The following PDE4C variants were observed in gnomAD, a reference collection of about 807,000 sequenced individuals.
PDE4C encodes the protein phosphodiesterase 4C, also known as 3',5'-cyclic-AMP phosphodiesterase 4C.
In PDE4C, 50 loss-of-function variants were observed where a neutral mutation model predicts 63.9. The observed-to-expected ratio is 0.78, with a 90% CI of 0.62 to 0.99. The LOEUF (loss-of-function observed/expected upper bound fraction) is 0.99. PDE4C is among the 50% of genes least tolerant of loss of function. PDE4C has a pLI of 0.00. For missense variants in PDE4C, 777 were observed against 899.1 expected, an observed-to-expected ratio of 0.86 and a Z score of 1.74; for synonymous variants, 377 against 385.1, an observed-to-expected ratio of 0.98 and a Z score of 0.25.
At position 18,220,585 on chromosome 19, in the gene PDE4C, G is replaced by A. The variant is rs750407182; in HGVS notation, c.500-70C>T. On this transcript the variant is annotated intron_variant, in intron 5 of 14. Transcript: ENST00000262805. This position sits in a 1 kb window ranked among gnomAD's most constrained non-coding sequence, Gnocchi z 5.1. ...GGGACCCCACGCCTCTCGCGACTTCGTCTCTTCATCTGGACCCTGAAACTG... is the reference window on the plus strand; with the variant it reads ...GGGACCCCACGCCTCTCGCGACTTCATCTCTTCATCTGGACCCTGAAACTG... 11 of 1,343,848 alleles carry A rather than the reference G, an allele frequency of 8.2e-6. No homozygotes were observed. Among genetic ancestry groups the A allele is most frequent in the Admixed American group, 5.9e-5 (3 of 51,032 alleles). 83.2% of individuals were successfully genotyped at this position (1,343,848 alleles called of 1,614,324 possible).
At chr19:18,226,347 G>A in exon 1 of PDE4C, 2 of 1,527,530 alleles carry the variant, frequency 1.3e-6, no homozygotes, top group Non-Finnish European at 1.8e-6. Flanking sequence ...AGAGCCCGGG[G>A]GAGCCGCGCG....
chr19:18,210,124 G>T (rs117979031), downstream of PDE4C: 1,679 of 152,520 alleles, frequency 0.011, 18 homozygotes, highest in Admixed American at 0.019. Context: ...GGGCTCAAGC[G>T]ATCCCCTTTG....
chr19:18,235,912 C>A (rs1351944910), upstream of PDE4C, among the ~76,000 whole-genome samples: 4 of 151,782 alleles, frequency 2.6e-5, no homozygotes, highest in Admixed American at 2.6e-4. Context: ...TCTCTTCATC[C>A]CTCAGGCTAA....
chr19:18,249,771 C>T (rs190242353), upstream of PDE4C, among the ~76,000 whole-genome samples: 84 of 152,202 alleles, frequency 5.5e-4, no homozygotes, highest in Middle Eastern at 0.01. Context: ...CAGAGTTTCG[C>T]CATGTTAGCC....
upstream of PDE4C, among the ~76,000 whole-genome samples, chr19:18,237,953 TC>T (rs1968980688): frequency 2.0e-5 from 3 of 151,054 alleles, no homozygotes; most frequent in African/African-American, 7.3e-5. Context: ...AATAGCATGC[TC>T]AGTAGGGCAC....
At chr19:18,238,246 T>C (rs1474686535), upstream of PDE4C, among the ~76,000 whole-genome samples, 1 of 151,610 alleles carries the variant, frequency 6.6e-6, no homozygotes, top group Non-Finnish European at 1.5e-5. Context: ...CTCTTTTTTT[T>C]TTTTTTCGAG....
upstream of PDE4C, among the ~76,000 whole-genome samples, chr19:18,229,430 G>A (rs1568263307): frequency 6.6e-6 from 1 of 151,970 alleles, no homozygotes; most frequent in Non-Finnish European, 1.5e-5. Context: ...TAGTAGAGAC[G>A]GGGTTTCACC....
intron 1 of PDE4C, among the ~76,000 whole-genome samples, chr19:18,242,654 A>G (rs757744594): frequency 1.3e-5 from 2 of 151,306 alleles, no homozygotes; most frequent in Non-Finnish European, 2.9e-5. Context: ...GCATGGTGGC[A>G]TGGGGCAGTA....
chr19:18,244,700 C>T (rs183639075), intron 1 of PDE4C, among the ~76,000 whole-genome samples: 59 of 151,946 alleles, frequency 3.9e-4, no homozygotes, highest in African/African-American at 1.3e-3. Context: ...TTAGTAGAGA[C>T]GGGGTTTCTC....
At chr19:18,247,642 TG>T (rs752112274) in intron 1 of PDE4C, among the ~76,000 whole-genome samples, 4 of 152,070 alleles carry the variant, frequency 2.6e-5, no homozygotes, top group Non-Finnish European at 4.4e-5. Context: ...CTCCCCACCA[TG>T]GCCTGGGCCA....
intron 7 of PDE4C, 152 bp from the exon 8 acceptor site, chr19:18,219,549 C>T (rs77110193): frequency 7.3e-5 from 60 of 821,782 alleles, no homozygotes; most frequent in South Asian, 4.6e-4. Context: ...GTCGGCCGGA[C>T]GCAGTGGCTC....
rs1408467937 is a variant in PDE4C, at chr19:18,218,265, C to A, written c.1135-17G>T. On this transcript the variant is annotated splice_polypyrimidine_tract_variant and intron_variant, in intron 10 of 14. Coordinates refer to ENST00000262805, the Ensembl canonical transcript of PDE4C. ...GAACACAGCCTGAGCAGGCAGAGGG[C>A]ACAGGCGGTGAGGGGCGGGTTCTCT... The A allele has an allele frequency of 6.2e-7, 1 of 1,614,032 alleles. No individual in the cohort carries two copies. Among genetic ancestry groups the A allele is most frequent in the Non-Finnish European group, 8.5e-7 (1 of 1,179,868 alleles).
Position 18,216,697 on chromosome 19 carries a change from G to A in PDE4C, c.1389+44C>T, listed in dbSNP as rs112792811. 8.4e-4 allele frequency: 1,273 copies of A among 1,517,028 alleles called. 10 individuals carry two copies. The African/African-American group carries it at 0.015, about 18-fold the overall frequency. 94.0% of individuals were successfully genotyped at this position (1,517,028 alleles called of 1,614,324 possible). A position where few individuals can be genotyped will look rare whatever the true frequency, so the allele number is the denominator to read the frequency against. On this transcript the variant is annotated intron_variant, in intron 12 of 14. Transcript: ENST00000262805. ...TGTCTGCAGATGAGAAGGATGCCCC[G>A]CTCCCCTCTGCCCCTCCCGCCCCGC...
upstream of PDE4C, among the ~76,000 whole-genome samples, chr19:18,230,689 T>C (rs1968829846): frequency 6.6e-6 from 1 of 152,136 alleles, no homozygotes; most frequent in Non-Finnish European, 1.5e-5. Flanking sequence ...TCTTTCCTCC[T>C]GCAGGCTAAG....
At chr19:18,251,980 A>G (rs368148059), upstream of PDE4C, 15 of 397,454 alleles carry the variant, frequency 3.8e-5, no homozygotes, top group East Asian at 4.3e-4. Context: ...TCGGGGCTGT[A>G]CCTCCCCCTG....
upstream of PDE4C, among the ~76,000 whole-genome samples, chr19:18,229,502 AAGTACTGGGATTACAGGTGTG>A (rs1395751821): frequency 6.6e-6 from 1 of 152,050 alleles, no homozygotes; most frequent in Non-Finnish European, 1.5e-5. Context: ...CAGTCTCCCA[AAGTACTGGGATTACAGGTGTG>A]AGCCACTGCG....
intron 1 of PDE4C, among the ~76,000 whole-genome samples, chr19:18,240,785 G>A (rs947861186): frequency 1.3e-5 from 2 of 152,202 alleles, no homozygotes; most frequent in Non-Finnish European, 2.9e-5. Context: ...CCAGAGCCAG[G>A]GCAAAGTGGG....
At chr19:18,235,544 T>C (rs1600099254), upstream of PDE4C, among the ~76,000 whole-genome samples, 2 of 152,262 alleles carry the variant, frequency 1.3e-5, no homozygotes, top group South Asian at 4.1e-4. Context: ...CCCACCCTGG[T>C]CCAAGCACCA....
Position 18,224,241 on chromosome 19 carries a change from G to T in PDE4C, c.147-1918C>A, listed in dbSNP as rs549169581. The T allele has an allele frequency of 2.3e-4, 229 of 985,532 alleles. 1 individual carries two copies. The African/African-American group carries it at 3.6e-3, about 16-fold the overall frequency. 61.0% of individuals were successfully genotyped at this position (985,532 alleles called of 1,614,324 possible). ...CGCTAGAGAAGGCGGTGACCTGGGG[G>T]TGGGTTTTCAAGAAGGGCAGGCGGA... On this transcript the variant is annotated intron_variant, in intron 1 of 14. Transcript: ENST00000262805.
Sources: gnomAD v4.1 joint callset for allele counts (sites outside exome capture counted in the v4.1 genomes callset) on GRCh38, gnomAD v4.1.1 for gene constraint, Gnocchi (gnomAD v3.1) non-coding constraint, MANE v1.5 for transcripts, NCBI Gene and HGNC (gene_info 2026-07-23, HGNC 2026-07-21) for gene names.